The following CCNY variants were observed in gnomAD, a reference collection of about 807,000 sequenced individuals.
The protein encoded by CCNY is cyclin Y.
CCNY carries 19 observed loss-of-function variants against 42.8 expected under a neutral mutation model. That is an observed-to-expected ratio of 0.44 (90% CI 0.31 to 0.65). CCNY has a LOEUF of 0.65. Among genes scored for constraint, CCNY ranks in the 30% least tolerant of loss-of-function variants. CCNY has a pLI of 0.07. For synonymous variants in CCNY, 165 were observed against 162.7 expected (o/e 1.01, Z -0.11); for missense variants, 370 against 437.3 (o/e 0.85, Z 1.37).
In CCNY at chr10:35,336,566, C is replaced by G. The variant is rs893737203; in HGVS notation, c.-488C>G. On this transcript the variant is annotated 5_prime_UTR_variant, in exon 1 of 10. Transcript: ENST00000374704. ...GGAGTCCGGGGGCTGCGCCCACGCC[C>G]GCTGCCCGCCCGCTCGTCGGCTAGT... 1.3e-4 allele frequency among the ~76,000 whole-genome samples: 20 copies of G among 148,704 alleles called. No individual in the cohort carries two copies. Among genetic ancestry groups the G allele is most frequent in the Non-Finnish European group, 2.7e-4 (18 of 66,734 alleles).
At chr10:35,496,011 C>T (rs1196924033) in intron 2 of CCNY, among the ~76,000 whole-genome samples, 1 of 152,134 alleles carries the variant, frequency 6.6e-6, no homozygotes, top group Non-Finnish European at 1.5e-5. Context: ...TTGTTCAAGG[C>T]CTGATCTGTG....
chr10:35,449,672 G>C, intron 1 of CCNY: 2 of 785,880 alleles, frequency 2.5e-6, no homozygotes, highest in South Asian at 1.1e-4. Context: ...TGCCGAGTAG[G>C]GGGGCCGGCC....
chr10:35,360,465 A>C (rs1836660292), intron 1 of CCNY, among the ~76,000 whole-genome samples: 2 of 150,206 alleles, frequency 1.3e-5, no homozygotes, highest in Non-Finnish European at 3.0e-5. Context: ...TTTTTTTTGT[A>C]GCTATGGGGT....
At position 35,337,171 on chromosome 10, in the gene CCNY, A is replaced by C; in HGVS notation, c.118A>C (p.Asn40His). The change falls in exon 1 of 10, where the codon AAC becomes CAC. Residue 40 changes from asparagine (N) to histidine (H), a missense_variant. Physicochemically the swap from Asn to His is moderately conservative, Grantham distance 68. This residue lies in a region of CCNY where 136 missense variants were observed against 124.2 expected (regional missense o/e 1.09). Coordinates refer to ENST00000374704, the MANE Select transcript of CCNY (RefSeq NM_145012.6). ...CCTGAGCCGCGAGGACACGGGCTGC[A>C]ACCTGCAGCACATCAGCGACCGGGA... ...TDLSREDTGC[N>H]LQHISDRENI... The C allele has an allele frequency of 6.4e-7, 1 of 1,573,162 alleles. No homozygotes were observed. Among genetic ancestry groups the C allele is most frequent in the Non-Finnish European group, 8.6e-7 (1 of 1,161,876 alleles).
intron 1 of CCNY, among the ~76,000 whole-genome samples, chr10:35,339,947 CAT>C (rs1564373901): frequency 6.6e-6 from 1 of 152,144 alleles, no homozygotes; most frequent in African/African-American, 2.4e-5. Flanking sequence ...AACAGCAACA[CAT>C]AACAACAATA....
At chr10:35,558,950 G>A (rs781728185) in intron 8 of CCNY, among the ~76,000 whole-genome samples, 7 of 152,312 alleles carry the variant, frequency 4.6e-5, no homozygotes, top group Non-Finnish European at 7.3e-5. Context: ...TAAAAATGTG[G>A]AAGTGGCTTT....
intron 1 of CCNY, among the ~76,000 whole-genome samples, chr10:35,247,792 C>T (rs1243243609): frequency 5.4e-5 from 8 of 147,988 alleles, no homozygotes; most frequent in African/African-American, 7.5e-5. Context: ...AAGAGAATGG[C>T]GTAAACCCAG....
At chr10:35,468,977 TAA>T (rs1214659068) in intron 1 of CCNY, among the ~76,000 whole-genome samples, 2 of 152,244 alleles carry the variant, frequency 1.3e-5, no homozygotes, top group Non-Finnish European at 2.9e-5. Flanking sequence ...TAGCTATATG[TAA>T]AAGTGTCAGT....
intron 2 of CCNY, among the ~76,000 whole-genome samples, chr10:35,250,364 C>CAATA (rs1331731793): frequency 2.0e-5 from 3 of 151,790 alleles, no homozygotes; most frequent in East Asian, 1.9e-4. Flanking sequence ...GACTCCGTCT[C>CAATA]AATAAATAAA....
At chr10:35,259,414 C>T (rs2095717741) in intron 3 of CCNY, among the ~76,000 whole-genome samples, 1 of 151,150 alleles carries the variant, frequency 6.6e-6, no homozygotes, top group Non-Finnish European at 1.5e-5. Flanking sequence ...CTATGTTGCC[C>T]AAGCTGGTCT....
rs1289020011 is a variant in CCNY at position 35,336,957 on chromosome 10, C to T, written c.-97C>T. 3.9e-6 allele frequency: 4 copies of T among 1,018,240 alleles called. No homozygotes were observed. In the African/African-American group the frequency reaches 5.1e-5, roughly 13 times the overall value. 63.1% of individuals were successfully genotyped at this position (1,018,240 alleles called of 1,614,324 possible). ...CGTGGCGGCGAGCGGGCGGGCCTCC[C>T]CACACGCCCCCGCCGCCCGCGCCCC... On this transcript the variant is annotated 5_prime_UTR_variant, in exon 1 of 10. Transcript: ENST00000374704.
At chr10:35,503,531 G>A (rs968274951) in intron 3 of CCNY, among the ~76,000 whole-genome samples, 2 of 152,152 alleles carry the variant, frequency 1.3e-5, no homozygotes, top group African/African-American at 4.8e-5. Flanking sequence ...ATTCAATTAG[G>A]CTAATAAAGC....
At position 35,530,053 on chromosome 10, in the gene CCNY, T is replaced by C. The variant is rs1160185060; in HGVS notation, c.459+23T>C. 5.6e-6 allele frequency: 9 copies of C among 1,614,066 alleles called. No individual in the cohort carries two copies. In the Admixed American group the frequency reaches 1.5e-4, roughly 27 times the overall value. ...TCGGTAATCTCCTCCGTGTGTTTCA[T>C]GAGATGATTTAATTATTTCTCTTTT... On this transcript the variant is annotated intron_variant, in intron 6 of 9. Coordinates refer to ENST00000374704, the MANE Select transcript of CCNY (RefSeq NM_145012.6). This position sits in a 1 kb window ranked among gnomAD's most constrained non-coding sequence, Gnocchi z 4.3.
chr10:35,394,391 G>A (rs917786810), intron 1 of CCNY, among the ~76,000 whole-genome samples: 3 of 152,168 alleles, frequency 2.0e-5, no homozygotes, highest in South Asian at 2.1e-4. Flanking sequence ...AGAATTTCGC[G>A]CTGTGAAAAG....
At chr10:35,362,903 G>A (rs2135158606) in intron 1 of CCNY, among the ~76,000 whole-genome samples, 1 of 151,840 alleles carries the variant, frequency 6.6e-6, no homozygotes, top group East Asian at 1.9e-4. Flanking sequence ...TTCCCAGATA[G>A]GGCGGCAGCC....
chr10:35,394,794 C>T, intron 1 of CCNY: 3 of 975,184 alleles, frequency 3.1e-6, no homozygotes, highest in Non-Finnish European at 3.7e-6. Flanking sequence ...CCTTGGTGAC[C>T]ACACCATATT....
chr10:35,257,993 C>T (rs924636728), intron 3 of CCNY, among the ~76,000 whole-genome samples: 2 of 152,132 alleles, frequency 1.3e-5, no homozygotes, highest in African/African-American at 4.8e-5. Flanking sequence ...TTTACTGACT[C>T]CTCCTTCTGC....
At chr10:35,248,793 C>T (rs1476696020) in intron 2 of CCNY, among the ~76,000 whole-genome samples, 2 of 152,182 alleles carry the variant, frequency 1.3e-5, no homozygotes, top group Non-Finnish European at 2.9e-5. Context: ...GAGCCGTGCT[C>T]ATGCCACCAC....
At chr10:35,564,417 G>A (rs540777225) in intron 8 of CCNY, among the ~76,000 whole-genome samples, 3 of 151,972 alleles carry the variant, frequency 2.0e-5, no homozygotes, top group Non-Finnish European at 4.4e-5. Flanking sequence ...CTCCCCACCC[G>A]CCTCCTTACT....
Sources: allele counts gnomAD v4.1 joint callset (sites outside exome capture counted in the v4.1 genomes callset), GRCh38; gene constraint gnomAD v4.1.1; regional missense constraint gnomAD v4.1.1; non-coding constraint Gnocchi (gnomAD v3.1); transcripts MANE v1.5; gene names NCBI Gene and HGNC (gene_info 2026-07-23, HGNC 2026-07-21).